The following UNC45B variants were observed in gnomAD, a reference collection of about 807,000 sequenced individuals.
UNC45B encodes the protein unc-45 myosin chaperone B.
In UNC45B, 78 loss-of-function variants were observed where a neutral mutation model predicts 98.7. The ratio of observed to expected loss-of-function variants is 0.79; its 90% CI spans 0.66 to 0.95. UNC45B has a LOEUF of 0.95. UNC45B is among the 40% of genes least tolerant of loss of function. The pLI is 0.00. For synonymous variants in UNC45B, 462 were observed against 480.4 expected (o/e 0.96, Z 0.50); for missense variants, 1,225 against 1,184.9 (o/e 1.03, Z -0.50).
intron 7 of UNC45B, among the ~76,000 whole-genome samples, chr17:35,155,928 C>T (rs2092057782): frequency 1.3e-5 from 2 of 152,128 alleles, no homozygotes; most frequent in South Asian, 4.1e-4. Context: ...TTCACAATTG[C>T]TAAAAGATGG....
intron 8 of UNC45B, among the ~76,000 whole-genome samples, chr17:35,161,435 A>G (rs934875445): frequency 5.3e-5 from 8 of 152,102 alleles, no homozygotes; most frequent in Non-Finnish European, 1.0e-4. Context: ...TTTGAACAGA[A>G]GAGAAATGAG....
intron 17 of UNC45B, among the ~76,000 whole-genome samples, chr17:35,180,079 G>A (rs1009313406): frequency 6.6e-6 from 1 of 152,130 alleles, no homozygotes; most frequent in Non-Finnish European, 1.5e-5. Context: ...AAAGTCTGGG[G>A]TAACAAGATT....
chr17:35,169,892 C>A lies in UNC45B; in HGVS notation c.1508C>A (p.Ala503Glu), dbSNP rs755036976. Residue 503 changes from alanine (A) to glutamate (E), a missense_variant, in exon 11 of 20, where the codon GCG becomes GAG. Coordinates refer to ENST00000394570, the MANE Select transcript of UNC45B (RefSeq NM_001267052.2). ...GGTDYGLRQF[A>E]EGSTEKLAKQ... Reference sequence around the variant, plus strand: ...ACAGACTACGGTCTCAGGCAGTTTGCGGAAGGGTCGACAGAAAAACTGGCC... The same window carrying A: ...ACAGACTACGGTCTCAGGCAGTTTGAGGAAGGGTCGACAGAAAAACTGGCC... The A allele has an allele frequency of 2.8e-5, 45 of 1,614,004 alleles. No homozygotes were observed. The highest frequency in any genetic ancestry group is 3.6e-5 in the Non-Finnish European group (43 of 1,180,038).
At chr17:35,175,087 G>GAAAGAAAGAAAGAAAGAA (rs746415209) in intron 14 of UNC45B, among the ~76,000 whole-genome samples, 2 of 93,822 alleles carry the variant, frequency 2.1e-5, no homozygotes, top group African/African-American at 1.1e-4. Context: ...AAGAAAGAAA[G>GAAAGAAAGAAAGAAAGAA]AGAAAGAAAG....
chr17:35,176,992 G>T, intron 15 of UNC45B, 25 bp from the exon 16 acceptor site: 1 of 1,590,462 alleles, frequency 6.3e-7, no homozygotes, highest in Non-Finnish European at 8.6e-7. Flanking sequence ...CTGTGACTAA[G>T]TAGTGACCTT....
chr17:35,148,370 C>T lies in UNC45B; in HGVS notation c.107C>T (p.Thr36Ile), dbSNP rs2091990336. ...AGCTACAGCCAGGCCCTGAAGCTGACCAAGGACAAGGCCCTGCTGGCCACG... is the reference window on the plus strand; with the variant it reads ...AGCTACAGCCAGGCCCTGAAGCTGATCAAGGACAAGGCCCTGCTGGCCACG... ...TNSYSQALKL[T>I]KDKALLATLY... Residue 36 changes from threonine (T) to isoleucine (I), a missense_variant, in exon 2 of 20, where the codon ACC (threonine) becomes ATC (isoleucine). Physicochemically the swap from Thr to Ile is moderately conservative, Grantham distance 89 (BLOSUM62 -1). Coordinates refer to ENST00000394570, the MANE Select transcript of UNC45B (RefSeq NM_001267052.2). 1 of 1,614,156 alleles carries T rather than the reference C, an allele frequency of 6.2e-7. No individual in the cohort carries two copies. The highest frequency in any genetic ancestry group is 8.5e-7 in the Non-Finnish European group (1 of 1,180,032).
At chr17:35,152,652 G>A (rs2092028676) in intron 4 of UNC45B, among the ~76,000 whole-genome samples, 1 of 152,188 alleles carries the variant, frequency 6.6e-6, no homozygotes, top group African/African-American at 2.4e-5. Context: ...GTCTAAATGG[G>A]ATAACAAATG....
chr17:35,160,022 C>T (rs935208998), intron 8 of UNC45B, among the ~76,000 whole-genome samples: 6 of 152,170 alleles, frequency 3.9e-5, no homozygotes, highest in Non-Finnish European at 7.4e-5. Flanking sequence ...AGAGGAAACA[C>T]AGAATCACAG....
At chr17:35,182,980 G>A (rs2092282770) in intron 18 of UNC45B, among the ~76,000 whole-genome samples, 1 of 151,908 alleles carries the variant, frequency 6.6e-6, no homozygotes, top group Admixed American at 6.6e-5. Context: ...CGGCACTGTA[G>A]CTTTCTAATA....
At chr17:35,166,267 CAAATA>C (rs66886068) in intron 9 of UNC45B, among the ~76,000 whole-genome samples, 1 of 150,756 alleles carries the variant, frequency 6.6e-6, no homozygotes, top group Admixed American at 6.6e-5. Flanking sequence ...GACCCCGTCT[CAAATA>C]AAATAAAATA....
rs1354788467 is a variant in UNC45B, at chr17:35,187,423, G to T, written c.*864G>T. On this transcript the variant is annotated 3_prime_UTR_variant, in exon 20 of 20. Coordinates refer to ENST00000394570, the MANE Select transcript of UNC45B (RefSeq NM_001267052.2). ...GTGATAGGAAAGAGAGTCCCCAGCA[G>T]CCCCAGGGTGACATAGTTGTTATAG... 2 of 152,122 alleles carry T rather than the reference G, an allele frequency of 1.3e-5. No individual in the cohort carries two copies. The highest frequency in any genetic ancestry group is 3.9e-4 in the East Asian group (2 of 5,186). 9.4% of individuals were successfully genotyped at this position (152,122 alleles called of 1,614,324 possible). A position where few individuals can be genotyped will look rare whatever the true frequency, so the allele number is the denominator to read the frequency against.
Position 35,150,032 on chromosome 17 carries a change from C to G in UNC45B, c.206-16C>G. On this transcript the variant is annotated splice_polypyrimidine_tract_variant and intron_variant, in intron 3 of 19. Coordinates refer to ENST00000394570, the MANE Select transcript of UNC45B (RefSeq NM_001267052.2). ...CTGGCTCCCTAAGGTCCTCATCCCC[C>G]GTCTCCCCTCGATAGCCATCGACAT... 1 of 1,578,322 alleles carries G rather than the reference C, an allele frequency of 6.3e-7. No homozygotes were observed.
At chr17:35,177,631 A>T (rs578222213) in intron 17 of UNC45B, 21 bp downstream of exon 17, 5 of 1,519,566 alleles carry the variant, frequency 3.3e-6, no homozygotes, top group Non-Finnish European at 4.5e-6. Context: ...TGAGTGTGGC[A>T]GGGGTGGAGA....
chr17:35,175,709 G>T (rs1168488317), intron 14 of UNC45B, among the ~76,000 whole-genome samples: 1 of 152,202 alleles, frequency 6.6e-6, no homozygotes, highest in African/African-American at 2.4e-5. Context: ...TCTCCTGGGT[G>T]GTTGCATCCC....
chr17:35,184,253 G>A (rs186307772), intron 19 of UNC45B, among the ~76,000 whole-genome samples: 7 of 152,326 alleles, frequency 4.6e-5, no homozygotes, highest in African/African-American at 1.4e-4. Context: ...GGGTTACGTT[G>A]TCCTGGCATC....
At chr17:35,149,392 T>G (rs74831668) in intron 3 of UNC45B, among the ~76,000 whole-genome samples, 2 of 152,040 alleles carry the variant, frequency 1.3e-5, no homozygotes, top group Non-Finnish European at 1.5e-5. Flanking sequence ...TGTTGTTGTT[T>G]GTTTTGTTTT....
chr17:35,152,091 A>T (rs2092023710), intron 4 of UNC45B, among the ~76,000 whole-genome samples: 1 of 152,130 alleles, frequency 6.6e-6, no homozygotes, highest in Admixed American at 6.5e-5. Flanking sequence ...ATTAAAAATA[A>T]AAAAATTAGC....
intron 12 of UNC45B, 66 bp downstream of exon 12, chr17:35,170,321 G>C: frequency 1.4e-6 from 2 of 1,477,802 alleles, no homozygotes; most frequent in Non-Finnish European, 1.8e-6. Context: ...CAGACCCACA[G>C]GGAATGGATC....
chr17:35,171,585 A>C, intron 13 of UNC45B, 123 bp downstream of exon 13: 2 of 1,096,708 alleles, frequency 1.8e-6, no homozygotes, highest in South Asian at 1.8e-5. Context: ...TGGGGGTAAG[A>C]TACACATACA....
Sources: gnomAD v4.1 joint callset for allele counts (sites outside exome capture counted in the v4.1 genomes callset) on GRCh38, gnomAD v4.1.1 for gene constraint, MANE v1.5 for transcripts, NCBI Gene and HGNC (gene_info 2026-07-23, HGNC 2026-07-21) for gene names.